Variants in STPG2 observed in about 807,000 individuals in gnomAD.
STPG2 encodes sperm-tail PG-rich repeat-containing protein 2.
A neutral mutation model predicts 54.2 loss-of-function variants in STPG2; 56 were observed. The observed-to-expected ratio is 1.03, with a 90% CI of 0.83 to 1.29. The LOEUF is 1.29. Ranked by LOEUF, STPG2 falls within the 50% of genes most tolerant of loss-of-function variation. The pLI is 0.00. For missense variants in STPG2, 596 were observed against 544.9 expected (o/e 1.09, Z -0.93); for synonymous variants, 200 against 181.8 (o/e 1.10, Z -0.81).
chr4:97,571,861 C>A (rs779385112), intron 10 of STPG2, among the ~76,000 whole-genome samples: 1 of 152,080 alleles, frequency 6.6e-6, no homozygotes, highest in Non-Finnish European at 1.5e-5. Flanking sequence ...TGACTCTTTT[C>A]GTTGACATAT....
At chr4:97,490,555 A>C (rs1730481970) in intron 4 of STPG2, among the ~76,000 whole-genome samples, 2 of 151,704 alleles carry the variant, frequency 1.3e-5, no homozygotes, top group South Asian at 2.1e-4. Flanking sequence ...CTAGGATAAC[A>C]GTTTTTAAAA....
At chr4:98,048,429 T>G (rs575107699) in intron 5 of STPG2, 1 of 152,280 alleles carries the variant, frequency 6.6e-6, no homozygotes, top group African/African-American at 2.4e-5. Context: ...GGCTTTTTGA[T>G]GCAGAAAACA....
chr4:98,077,065 T>A (rs1738189227), intron 5 of STPG2, among the ~76,000 whole-genome samples: 1 of 152,140 alleles, frequency 6.6e-6, no homozygotes. Flanking sequence ...ATCAAAATTA[T>A]TTTCATATTA....
chr4:98,133,387 C>T (rs945366435), intron 2 of STPG2, among the ~76,000 whole-genome samples: 3 of 151,976 alleles, frequency 2.0e-5, no homozygotes, highest in African/African-American at 7.2e-5. Context: ...CAGTTGTTCA[C>T]AGTCACCGTT....
intron 8 of STPG2, among the ~76,000 whole-genome samples, chr4:97,926,666 C>T (rs1225421688): frequency 6.6e-6 from 1 of 152,042 alleles, no homozygotes; most frequent in Non-Finnish European, 1.5e-5. Context: ...AAAGGAGCTT[C>T]TGGTTTAAAA....
intron 9 of STPG2, among the ~76,000 whole-genome samples, chr4:97,809,122 T>G (rs985695655): frequency 2.0e-5 from 3 of 152,090 alleles, no homozygotes; most frequent in Non-Finnish European, 2.9e-5. Flanking sequence ...TAAAACTTGT[T>G]GAGTGACATA....
intron 5 of STPG2, among the ~76,000 whole-genome samples, chr4:98,040,320 T>G (rs1243247646): frequency 2.0e-5 from 3 of 151,974 alleles, no homozygotes; most frequent in Non-Finnish European, 2.9e-5. Context: ...AGCTTTTTAG[T>G]TTAATTAAGT....
At chr4:97,974,537 A>G (rs1259561367) in intron 6 of STPG2, among the ~76,000 whole-genome samples, 7 of 152,128 alleles carry the variant, frequency 4.6e-5, no homozygotes, top group African/African-American at 1.7e-4. Flanking sequence ...TAGCTCCCAC[A>G]ATTCTTATGT....
chr4:97,465,216 C>G (rs1729759889), intron 4 of STPG2, among the ~76,000 whole-genome samples: 1 of 152,122 alleles, frequency 6.6e-6, no homozygotes, highest in Non-Finnish European at 1.5e-5. Context: ...TTGATGGATC[C>G]AATGGCTTCA....
intron 4 of STPG2, among the ~76,000 whole-genome samples, chr4:97,490,671 G>T (rs1049222270): frequency 1.3e-5 from 2 of 151,612 alleles, no homozygotes; most frequent in Admixed American, 6.6e-5. Context: ...GCATGTATAG[G>T]TTGGTACCAA....
At chr4:97,952,451 G>A (rs186061397) in intron 7 of STPG2, among the ~76,000 whole-genome samples, 1 of 152,272 alleles carries the variant, frequency 6.6e-6, no homozygotes, top group East Asian at 1.9e-4. Flanking sequence ...GGATTCTTTT[G>A]TCCCATGGAG....
intron 7 of STPG2, among the ~76,000 whole-genome samples, chr4:97,947,010 C>T (rs541209157): frequency 6.6e-6 from 1 of 152,214 alleles, no homozygotes; most frequent in Non-Finnish European, 1.5e-5. Context: ...AATATTGATT[C>T]TTGCAATCCG....
chr4:98,114,418 A>G (rs1739449268), intron 3 of STPG2, among the ~76,000 whole-genome samples: 1 of 152,078 alleles, frequency 6.6e-6, no homozygotes, highest in Admixed American at 6.6e-5. Flanking sequence ...GACATTGTAT[A>G]TATTTCACAC....
intron 10 of STPG2, among the ~76,000 whole-genome samples, chr4:97,634,571 C>A (rs1721436266): frequency 6.7e-6 from 1 of 150,336 alleles, no homozygotes; most frequent in African/African-American, 2.4e-5. Flanking sequence ...AAACCAAAGG[C>A]AAAGAAGTTG....
At chr4:97,617,245 T>C (rs1225778082) in intron 10 of STPG2, among the ~76,000 whole-genome samples, 1 of 151,860 alleles carries the variant, frequency 6.6e-6, no homozygotes, top group Admixed American at 6.6e-5. Context: ...AGTGCACACA[T>C]TAATAAATAA....
chr4:97,730,728 T>G (rs191849288), intron 9 of STPG2, among the ~76,000 whole-genome samples: 1 of 152,344 alleles, frequency 6.6e-6, no homozygotes, highest in Admixed American at 6.5e-5. Context: ...TTTTAAATCT[T>G]TTTTTCTGAC....
At chr4:97,458,286 G>T (rs1396549428) in intron 4 of STPG2, among the ~76,000 whole-genome samples, 1 of 152,142 alleles carries the variant, frequency 6.6e-6, no homozygotes, top group Non-Finnish European at 1.5e-5. Context: ...GTGTTCTATG[G>T]ATGCAAAATT....
intron 5 of STPG2, among the ~76,000 whole-genome samples, chr4:98,012,644 T>C (rs1446327560): frequency 6.6e-6 from 1 of 152,208 alleles, no homozygotes; most frequent in Middle Eastern, 3.2e-3. Flanking sequence ...GGTTTGTAGT[T>C]CTCATTAAAG....
At chr4:97,641,783 T>C (rs1048385092) in intron 10 of STPG2, among the ~76,000 whole-genome samples, 2 of 151,558 alleles carry the variant, frequency 1.3e-5, no homozygotes, top group Non-Finnish European at 3.0e-5. Context: ...TTTATATTGC[T>C]TTATTTCTTA....
Sources: gnomAD v4.1 joint callset for allele counts (sites outside exome capture counted in the v4.1 genomes callset) on GRCh38, gnomAD v4.1.1 for gene constraint, MANE v1.5 for transcripts, NCBI Gene and HGNC (gene_info 2026-07-23, HGNC 2026-07-21) for gene names.